Variants in CPEB1 observed in about 807,000 individuals in gnomAD.
CPEB1 encodes cytoplasmic polyadenylation element binding protein 1, also known as cytoplasmic polyadenylation element-binding protein 1.
Under a neutral mutation model 65.8 loss-of-function variants are expected in CPEB1, and 7 were observed. That is an observed-to-expected ratio of 0.11 (90% CI 0.06 to 0.20). CPEB1 has a LOEUF of 0.20. CPEB1 is among the 10% of genes least tolerant of loss of function. The pLI is 1.00. For missense variants in CPEB1, 551 were observed against 712.2 expected (o/e 0.77, Z 2.58); for synonymous variants, 262 against 260.0 (o/e 1.01, Z -0.08).
At chr15:82,615,953 T>C in intron 3 of CPEB1, among the ~76,000 whole-genome samples, 1 of 151,972 alleles carries the variant, frequency 6.6e-6, no homozygotes, top group East Asian at 1.9e-4. Flanking sequence ...GCAAAAAATA[T>C]ACACCTAAAC....
intron 3 of CPEB1, among the ~76,000 whole-genome samples, chr15:82,611,785 A>C (rs1458545631): frequency 6.6e-6 from 1 of 152,070 alleles, no homozygotes; most frequent in Non-Finnish European, 1.5e-5. Context: ...AACACACAGT[A>C]AATCAAACCC....
chr15:82,643,803 A>G (rs1026832420), intron 1 of CPEB1, among the ~76,000 whole-genome samples: 1 of 152,130 alleles, frequency 6.6e-6, no homozygotes, highest in African/African-American at 2.4e-5. Flanking sequence ...CTCAGATTTT[A>G]CCACAGACTG....
intron 3 of CPEB1, among the ~76,000 whole-genome samples, chr15:82,589,065 T>A (rs1265454009): frequency 1.3e-5 from 2 of 152,222 alleles, no homozygotes; most frequent in Non-Finnish European, 2.9e-5. Flanking sequence ...ACAAAATCTG[T>A]CCACTTATTT....
At chr15:82,632,185 C>T (rs1487071084) in intron 1 of CPEB1, among the ~76,000 whole-genome samples, 1 of 151,648 alleles carries the variant, frequency 6.6e-6, no homozygotes, top group Non-Finnish European at 1.5e-5. Context: ...GGTTTCACCA[C>T]ATTAGTCAGG....
intron 4 of CPEB1, among the ~76,000 whole-genome samples, chr15:82,568,895 T>C (rs1028688037): frequency 1.3e-5 from 2 of 152,186 alleles, no homozygotes; most frequent in African/African-American, 4.8e-5. Context: ...ATCTCCAACC[T>C]TGCTCATTAC....
intron 3 of CPEB1, among the ~76,000 whole-genome samples, chr15:82,594,328 G>A (rs2042505408): frequency 6.6e-6 from 1 of 151,528 alleles, no homozygotes; most frequent in Non-Finnish European, 1.5e-5. Context: ...TTATGTTACG[G>A]AGACAGCTTC....
intron 3 of CPEB1, among the ~76,000 whole-genome samples, chr15:82,574,750 A>AAAAAAAAAAAAAC: frequency 6.8e-6 from 1 of 146,274 alleles, no homozygotes; most frequent in Non-Finnish European, 1.5e-5. Flanking sequence ...AAAAAAAAAA[A>AAAAAAAAAAAAAC]ATCATAAACC....
At chr15:82,615,766 G>A (rs2044651317) in intron 3 of CPEB1, among the ~76,000 whole-genome samples, 2 of 152,182 alleles carry the variant, frequency 1.3e-5, no homozygotes, top group East Asian at 1.9e-4. Context: ...ACTGGTAAAT[G>A]CACTTTGAAA....
intron 12 of CPEB1, among the ~76,000 whole-genome samples, 154 bp from the exon 13 acceptor site, chr15:82,544,856 C>T (rs940195634): frequency 6.6e-6 from 1 of 152,152 alleles, no homozygotes; most frequent in African/African-American, 2.4e-5. Flanking sequence ...ATGCTCTCAC[C>T]CCAACACAGA....
At chr15:82,565,451 A>G (rs1344273212) in intron 4 of CPEB1, among the ~76,000 whole-genome samples, 1 of 152,216 alleles carries the variant, frequency 6.6e-6, no homozygotes, top group African/African-American at 2.4e-5. Flanking sequence ...GAAGGAAAGG[A>G]GCAAAATAGC....
upstream of CPEB1, chr15:82,648,502 C>G (rs587669421): frequency 1.3e-5 from 2 of 152,446 alleles, no homozygotes; most frequent in African/African-American, 4.8e-5. Flanking sequence ...CCAGAAAGTT[C>G]CAAAGACATC....
At chr15:82,622,927 T>C (rs1438526057) in intron 3 of CPEB1, among the ~76,000 whole-genome samples, 5 of 152,188 alleles carry the variant, frequency 3.3e-5, no homozygotes, top group Non-Finnish European at 7.3e-5. Context: ...TGTGATCCTC[T>C]TTATAAGCCA....
chr15:82,604,084 T>C (rs747709948), intron 3 of CPEB1, among the ~76,000 whole-genome samples: 4 of 152,208 alleles, frequency 2.6e-5, no homozygotes, highest in South Asian at 2.1e-4. Context: ...CTGTGGACAA[T>C]GGCTCTGTAA....
At chr15:82,560,963 A>C (rs981066294) in intron 4 of CPEB1, among the ~76,000 whole-genome samples, 6 of 152,278 alleles carry the variant, frequency 3.9e-5, no homozygotes, top group Non-Finnish European at 1.5e-5. Flanking sequence ...TGATAACAGC[A>C]ACAAAGGAAA....
chr15:82,576,262 G>GA (rs1010093189), intron 3 of CPEB1, among the ~76,000 whole-genome samples: 3 of 152,154 alleles, frequency 2.0e-5, no homozygotes, highest in Non-Finnish European at 4.4e-5. Context: ...AATAAATGGT[G>GA]AAAAAAATCA....
intron 1 of CPEB1, chr15:82,638,564 CTTGG>C (rs1247564539): frequency 1.3e-5 from 2 of 152,078 alleles, no homozygotes; most frequent in African/African-American, 4.8e-5. Flanking sequence ...GACTGACTTA[CTTGG>C]TTGATTTTCA....
intron 3 of CPEB1, chr15:82,571,876 G>A: frequency 3.8e-6 from 4 of 1,061,538 alleles, no homozygotes; most frequent in Middle Eastern, 4.4e-4. Context: ...GGAGGAGCAG[G>A]AGGGGACGAC....
intron 3 of CPEB1, among the ~76,000 whole-genome samples, chr15:82,617,560 A>G (rs1343177637): frequency 6.6e-6 from 1 of 152,090 alleles, no homozygotes; most frequent in South Asian, 2.1e-4. Flanking sequence ...AGAAAATCCA[A>G]ATAAAATACA....
intron 12 of CPEB1, 35 bp downstream of exon 12, chr15:82,546,406 A>G (rs1296018673): frequency 1.3e-6 from 2 of 1,577,562 alleles, no homozygotes; most frequent in African/African-American, 2.7e-5. Context: ...ACAATTTTTA[A>G]TAGAGGGCAG....
Sources: gnomAD v4.1 joint callset for allele counts (sites outside exome capture counted in the v4.1 genomes callset) on GRCh38, gnomAD v4.1.1 for gene constraint, MANE v1.5 for transcripts, NCBI Gene and HGNC (gene_info 2026-07-23, HGNC 2026-07-21) for gene names.